The following SRGAP2B variants were observed in gnomAD, a reference collection of about 807,000 sequenced individuals.
SRGAP2B encodes the protein SLIT-ROBO Rho GTPase activating protein 2B, also known as SLIT-ROBO Rho GTPase-activating protein 2B.
SRGAP2B carries 9 observed loss-of-function variants against 22.2 expected under a neutral mutation model. The observed-to-expected ratio is 0.41, with a 90% CI of 0.24 to 0.71. The LOEUF (loss-of-function observed/expected upper bound fraction) is 0.71. SRGAP2B is among the 30% of genes least tolerant of loss of function. SRGAP2B has a pLI of 0.35. For missense variants in SRGAP2B, 114 were observed against 235.8 expected, an observed-to-expected ratio of 0.48 and a Z score of 3.38; for synonymous variants, 36 against 87.4, an observed-to-expected ratio of 0.41 and a Z score of 3.28.
chr1:144,970,607 C>T (rs1291020978), intron 3 of SRGAP2B, among the ~76,000 whole-genome samples: 2 of 111,964 alleles, frequency 1.8e-5, no homozygotes, highest in Admixed American at 1.9e-4. Context: ...TGTAACTAAC[C>T]TGCACAATGT....
intron 2 of SRGAP2B, among the ~76,000 whole-genome samples, chr1:145,013,893 G>T (rs1672232343): frequency 6.7e-6 from 1 of 149,854 alleles, no homozygotes; most frequent in Admixed American, 6.6e-5. Flanking sequence ...CTAGGCCATG[G>T]TGGTTTTGCA....
At chr1:145,030,721 A>AATATAT (rs1161032950) in intron 2 of SRGAP2B, among the ~76,000 whole-genome samples, 27 of 14,494 alleles carry the variant, frequency 1.9e-3, no homozygotes, top group East Asian at 6.1e-3. Flanking sequence ...AAAAAAAAAA[A>AATATAT]ATATATATAT....
At chr1:144,932,420 C>T (rs1392676864) in intron 4 of SRGAP2B, among the ~76,000 whole-genome samples, 1 of 151,074 alleles carries the variant, frequency 6.6e-6, no homozygotes, top group East Asian at 1.9e-4. Context: ...GGGGTGGACT[C>T]GTCAGTTCCG....
intron 5 of SRGAP2B, among the ~76,000 whole-genome samples, chr1:144,911,650 C>T (rs1271283720): frequency 6.8e-6 from 1 of 147,744 alleles, no homozygotes; most frequent in Non-Finnish European, 1.5e-5. Flanking sequence ...CCGAGTCTTG[C>T]TCTGTCCCCC....
chr1:144,944,422 C>T (rs1341321625), intron 4 of SRGAP2B, among the ~76,000 whole-genome samples: 5 of 148,512 alleles, frequency 3.4e-5, no homozygotes, highest in Non-Finnish European at 5.9e-5. Flanking sequence ...ACAGCGAGAC[C>T]CCATCTCTAA....
In SRGAP2B at chr1:145,009,587, CA is replaced by C. The variant is rs142447274; in HGVS notation, c.68-14388del. 1.7e-3 allele frequency among the ~76,000 whole-genome samples: 136 copies of C among 79,550 alleles called. 3 individuals are homozygous for C. The Middle Eastern group carries it at 0.048, about 28-fold the overall frequency. The allele number at this position is 79,550 out of a possible 152,430, so 52.2% of individuals were successfully genotyped here. A position where few individuals can be genotyped will look rare whatever the true frequency, so the allele number is the denominator to read the frequency against. On this transcript the variant is annotated intron_variant, in intron 2 of 9. Transcript: ENST00000612199. ...TGGGCGACAGAGCGAGACTCCGTCT[CA>C]AAAAAAAAAAAAACAAAATTGGCCC...
intron 2 of SRGAP2B, among the ~76,000 whole-genome samples, chr1:145,076,442 C>T (rs587623849): frequency 9.6e-4 from 145 of 150,422 alleles, no homozygotes; most frequent in African/African-American, 3.3e-3. Context: ...AACCATCATA[C>T]ATTCATACCA....
At chr1:144,973,994 C>T (rs587700994) in intron 3 of SRGAP2B, among the ~76,000 whole-genome samples, 1 of 150,364 alleles carries the variant, frequency 6.7e-6, no homozygotes, top group African/African-American at 2.5e-5. Context: ...GAGGCCCCAG[C>T]CTTACCTTCT....
At chr1:144,970,033 T>A (rs1354577322) in intron 3 of SRGAP2B, among the ~76,000 whole-genome samples, 3 of 149,914 alleles carry the variant, frequency 2.0e-5, no homozygotes, top group Admixed American at 1.3e-4. Context: ...ATACAAACAC[T>A]TTTACACTGT....
chr1:145,017,776 A>C lies in SRGAP2B; in HGVS notation c.68-22576T>G, dbSNP rs1672533966. ...GAGTTGTGCTTTCCCTGTCTTTAACAATGAATCTTTGGCGGATTCCAACAA... is the reference window on the plus strand; with the variant it reads ...GAGTTGTGCTTTCCCTGTCTTTAACCATGAATCTTTGGCGGATTCCAACAA... On this transcript the variant is annotated intron_variant, in intron 2 of 9. Coordinates refer to ENST00000612199, the Ensembl canonical transcript of SRGAP2B. 1.3e-5 allele frequency among the ~76,000 whole-genome samples: 2 copies of C among 149,586 alleles called. 1 individual carries two copies. The highest frequency in any genetic ancestry group is 1.3e-4 in the Admixed American group (2 of 15,042).
chr1:145,015,201 C>G (rs1366987684), intron 2 of SRGAP2B, among the ~76,000 whole-genome samples: 5 of 89,210 alleles, frequency 5.6e-5, no homozygotes, highest in Non-Finnish European at 1.1e-4. Flanking sequence ...GCCTCAGCCT[C>G]CCGAGTAGCT....
intron 2 of SRGAP2B, among the ~76,000 whole-genome samples, chr1:145,007,552 T>C (rs587614096): frequency 2.0e-5 from 3 of 150,768 alleles, no homozygotes; most frequent in African/African-American, 7.4e-5. Context: ...TGCTATCCAC[T>C]GGAGAGGCCG....
At chr1:144,990,710 G>GTGGGCT (rs1252205548) in intron 3 of SRGAP2B, among the ~76,000 whole-genome samples, 2 of 150,916 alleles carry the variant, frequency 1.3e-5, no homozygotes, top group East Asian at 1.9e-4. Context: ...GGAGTTCCGG[G>GTGGGCT]TGGGCTTGGG....
At chr1:144,964,674 G>A (rs1342460544) in intron 3 of SRGAP2B, among the ~76,000 whole-genome samples, 1 of 151,120 alleles carries the variant, frequency 6.6e-6, no homozygotes, top group East Asian at 1.9e-4. Context: ...ACAGAGTCTA[G>A]GCTTAGCTCT....
intron 2 of SRGAP2B, among the ~76,000 whole-genome samples, chr1:145,023,007 A>T (rs1553624375): frequency 6.7e-6 from 1 of 149,866 alleles, no homozygotes; most frequent in Admixed American, 6.6e-5. Flanking sequence ...TCTACTAAAA[A>T]TACAAAAATT....
At chr1:144,990,966 C>A (rs1306800023) in intron 3 of SRGAP2B, among the ~76,000 whole-genome samples, 7 of 150,646 alleles carry the variant, frequency 4.6e-5, no homozygotes, top group African/African-American at 1.7e-4. Context: ...CCGGAGCCTC[C>A]CCGACGAGCA....
At chr1:144,986,853 T>C (rs1301309891) in intron 3 of SRGAP2B, among the ~76,000 whole-genome samples, 4 of 150,674 alleles carry the variant, frequency 2.7e-5, no homozygotes, top group African/African-American at 1.0e-4. Flanking sequence ...TATTTCACTA[T>C]CACATTTATA....
At chr1:144,971,792 C>A (rs1668545710) in intron 3 of SRGAP2B, among the ~76,000 whole-genome samples, 1 of 150,806 alleles carries the variant, frequency 6.6e-6, no homozygotes, top group African/African-American at 2.5e-5. Context: ...GAGTCTAGAC[C>A]AAGCCTGTCA....
chr1:144,953,551 A>G (rs1236469911), intron 4 of SRGAP2B, among the ~76,000 whole-genome samples: 2 of 152,036 alleles, frequency 1.3e-5, no homozygotes, highest in Non-Finnish European at 2.9e-5. Context: ...CCCTGAGCCC[A>G]TGGCTAGGAA....
Sources: gnomAD v4.1 joint callset for allele counts (sites outside exome capture counted in the v4.1 genomes callset) on GRCh38, gnomAD v4.1.1 for gene constraint, MANE v1.5 for transcripts, NCBI Gene and HGNC (gene_info 2026-07-23, HGNC 2026-07-21) for gene names.